STK10: variants seen among roughly 807,000 people sequenced by gnomAD.
The protein encoded by STK10 is serine/threonine kinase 10, also known as serine/threonine-protein kinase 10.
A neutral mutation model predicts 113.8 loss-of-function variants in STK10; 78 were observed. The ratio of observed to expected loss-of-function variants is 0.69; its 90% CI spans 0.57 to 0.83. The LOEUF (loss-of-function observed/expected upper bound fraction) is 0.83. STK10 is among the 40% of genes least tolerant of loss of function. STK10 has a pLI of 0.00. For synonymous variants in STK10, 465 were observed against 494.7 expected (o/e 0.94, Z 0.80); for missense variants, 1,109 against 1,280.1 (o/e 0.87, Z 2.04).
Position 172,106,920 on chromosome 5 carries a change from C to T in STK10, c.594-106G>A, listed in dbSNP as rs1004343666. 1.3e-5 allele frequency: 15 copies of T among 1,156,918 alleles called. No individual in the cohort carries two copies. The African/African-American group carries it at 2.0e-4, about 16-fold the overall frequency. 71.7% of individuals were successfully genotyped at this position (1,156,918 alleles called of 1,614,324 possible). On this transcript the variant is annotated intron_variant, in intron 5 of 18. Coordinates refer to ENST00000176763, the MANE Select transcript of STK10 (RefSeq NM_005990.4). ...CACGAGCCACTGTCGGGGTTGGCAG[C>T]ACTCCCGAATCATGATCTGCGTGAC...
chr5:172,057,529 GC>G, intron 14 of STK10, 56 bp from the exon 15 acceptor site: 2 of 1,522,766 alleles, frequency 1.3e-6, no homozygotes, highest in Non-Finnish European at 1.8e-6. Flanking sequence ...GACTCGACAG[GC>G]CCCCTGCCCC....
intron 2 of STK10, among the ~76,000 whole-genome samples, chr5:172,145,703 A>G (rs1277717490): frequency 2.0e-5 from 3 of 152,254 alleles, no homozygotes; most frequent in African/African-American, 7.2e-5. Context: ...ACCTTGGGAC[A>G]AGTAACTTCG....
At chr5:172,159,872 T>C (rs1770432406) in intron 1 of STK10, among the ~76,000 whole-genome samples, 1 of 152,134 alleles carries the variant, frequency 6.6e-6, no homozygotes, top group Non-Finnish European at 1.5e-5. Context: ...GCGCAGTGGC[T>C]CATGCCTGTA....
At chr5:172,118,712 C>A (rs1204083095) in intron 3 of STK10, among the ~76,000 whole-genome samples, 1 of 151,774 alleles carries the variant, frequency 6.6e-6, no homozygotes, top group East Asian at 1.9e-4. Context: ...AACCTTGTCT[C>A]TACTAAAAAT....
chr5:172,097,667 A>G (rs1768890103), intron 7 of STK10, among the ~76,000 whole-genome samples: 1 of 152,180 alleles, frequency 6.6e-6, no homozygotes, highest in South Asian at 2.1e-4. Flanking sequence ...CTGCTGCTGG[A>G]CATCTGGGCT....
chr5:172,100,944 T>C (rs1262869857), intron 7 of STK10, among the ~76,000 whole-genome samples: 1 of 152,112 alleles, frequency 6.6e-6, no homozygotes, highest in Non-Finnish European at 1.5e-5. Flanking sequence ...GAGCACAGAC[T>C]CTTGAACCCG....
At position 172,121,893 on chromosome 5, in the gene STK10, G is replaced by A. The variant is rs1468892313; in HGVS notation, c.371-4263C>T. 2.1e-5 allele frequency among the ~76,000 whole-genome samples: 3 copies of A among 145,054 alleles called. 1 individual carries two copies. Among genetic ancestry groups the A allele is most frequent in the African/African-American group, 7.8e-5 (3 of 38,660 alleles). On this transcript the variant is annotated intron_variant, in intron 3 of 18. Transcript: ENST00000176763. ...TATACTTTTTTTTTTTTTTTTAGACGACGTCTCTGTCACCCAGGCTGGAAT... is the reference window on the plus strand; with the variant it reads ...TATACTTTTTTTTTTTTTTTTAGACAACGTCTCTGTCACCCAGGCTGGAAT...
intron 2 of STK10, among the ~76,000 whole-genome samples, chr5:172,136,115 G>C (rs2113796310): frequency 6.6e-6 from 1 of 151,916 alleles, no homozygotes; most frequent in East Asian, 1.9e-4. Context: ...AATGAAAAAG[G>C]GGACACATTA....
chr5:172,186,359 C>CA (rs1362405464), intron 1 of STK10, among the ~76,000 whole-genome samples: 6 of 152,088 alleles, frequency 3.9e-5, no homozygotes, highest in Admixed American at 3.9e-4. Flanking sequence ...CAGGGTGGCT[C>CA]ACCGCTGTAA....
intron 18 of STK10, 38 bp downstream of exon 18, chr5:172,052,891 G>A (rs1217050170): frequency 6.2e-7 from 1 of 1,602,234 alleles, no homozygotes; most frequent in African/African-American, 1.3e-5. Context: ...GCACAGAGCA[G>A]AGCCCGAGAC....
At chr5:172,073,965 AAATAAT>A (rs767697438) in intron 12 of STK10, among the ~76,000 whole-genome samples, 2 of 96,854 alleles carry the variant, frequency 2.1e-5, no homozygotes, top group East Asian at 2.0e-4. Context: ...ACTCTGTCTC[AAATAAT>A]AATAATAATA....
chr5:172,114,942 C>T (rs972519479), intron 4 of STK10: 1 of 152,656 alleles, frequency 6.6e-6, no homozygotes, highest in African/African-American at 2.4e-5. Flanking sequence ...GCACTCACCG[C>T]CAACCCAGCC....
At position 172,082,973 on chromosome 5, in the gene STK10, T is replaced by C. The variant is rs772918472; in HGVS notation, c.1797A>G (p.Glu599=). Residue 599 remains glutamate (E), a synonymous_variant, in exon 11 of 19, where the codon GAA becomes GAG. Transcript: ENST00000176763. This position sits in a 1 kb window ranked among gnomAD's most constrained non-coding sequence, Gnocchi z 4.3. ...TTCTCGCACTCACGTTGATTTCCTG[T>C]TCAAAACGTTTATGCATTTGCTCCA... ...LQLEQMHKRF[E]QEINAKKKFF... is the part of the protein sequence containing the mutation. 6.8e-6 allele frequency: 11 copies of C among 1,613,696 alleles called. No individual in the cohort carries two copies. The highest frequency in any genetic ancestry group is 8.5e-6 in the Non-Finnish European group (10 of 1,180,002).
chr5:172,118,878 CAAAAAAAAAA>C lies in STK10; in HGVS notation c.371-1258_371-1249del, dbSNP rs3028101. Among the ~76,000 whole-genome samples, 5 of 71,306 alleles carry C rather than the reference CAAAAAAAAAA, an allele frequency of 7.0e-5. No homozygotes were observed. In the East Asian group the frequency reaches 2.1e-3, roughly 30 times the overall value. 46.8% of individuals were successfully genotyped at this position (71,306 alleles called of 152,430 possible). A position where few individuals can be genotyped will look rare whatever the true frequency, so the allele number is the denominator to read the frequency against. On this transcript the variant is annotated intron_variant, in intron 3 of 18. Coordinates refer to ENST00000176763, the MANE Select transcript of STK10 (RefSeq NM_005990.4). ...TGGGTGACAGAGCGAGACTCAGTCT[CAAAAAAAAAA>C]AAAAAAAAAGTGTCCACTGAGGAGA...
At chr5:172,118,986 C>T (rs1769445884) in intron 3 of STK10, among the ~76,000 whole-genome samples, 1 of 150,572 alleles carries the variant, frequency 6.6e-6, no homozygotes, top group African/African-American at 2.4e-5. Context: ...GCCTATTAAA[C>T]TTTCCACTGG....
At chr5:172,113,353 G>A (rs974198543) in intron 4 of STK10, among the ~76,000 whole-genome samples, 4 of 152,136 alleles carry the variant, frequency 2.6e-5, no homozygotes, top group Admixed American at 1.3e-4. Flanking sequence ...AGAAAGAGAC[G>A]CAAAGATCCA....
intron 4 of STK10, among the ~76,000 whole-genome samples, chr5:172,109,330 T>C (rs972420867): frequency 8.6e-5 from 13 of 151,494 alleles, no homozygotes; most frequent in Non-Finnish European, 7.4e-5. Context: ...TGAACACTTT[T>C]TTTTTTTTTT....
rs184057131 is a variant in STK10, at chr5:172,124,437, C to G, written c.370+2936G>C. 5.3e-4 allele frequency among the ~76,000 whole-genome samples: 81 copies of G among 152,272 alleles called. 1 individual carries two copies. In the East Asian group the frequency reaches 0.011, roughly 21 times the overall value. ...TTTTATACTGTTAGATTCTATCCCC[C>G]CAAATGATAATCTTCAAAGGCAGTG... On this transcript the variant is annotated intron_variant, in intron 3 of 18. Coordinates refer to ENST00000176763, the MANE Select transcript of STK10 (RefSeq NM_005990.4).
intron 10 of STK10, among the ~76,000 whole-genome samples, chr5:172,086,187 C>G (rs1351632887): frequency 1.3e-5 from 2 of 152,130 alleles, no homozygotes. Flanking sequence ...TGGCACATGA[C>G]CAGCACTCTG....
Sources: allele counts gnomAD v4.1 joint callset (sites outside exome capture counted in the v4.1 genomes callset), GRCh38; gene constraint gnomAD v4.1.1; non-coding constraint Gnocchi (gnomAD v3.1); transcripts MANE v1.5; gene names NCBI Gene and HGNC (gene_info 2026-07-23, HGNC 2026-07-21).